Variants in CLCC1 observed in about 807,000 individuals in gnomAD.
The protein encoded by CLCC1 is chloride channel CLIC-like protein 1.
Under a neutral mutation model 63.3 loss-of-function variants are expected in CLCC1, and 39 were observed. The ratio of observed to expected loss-of-function variants is 0.62; its 90% CI spans 0.48 to 0.81. The LOEUF (loss-of-function observed/expected upper bound fraction) is 0.81. Ranked by LOEUF, CLCC1 falls within the 30% of genes least tolerant of loss-of-function variation. CLCC1 has a pLI of 0.00. For missense variants in CLCC1, 549 were observed against 669.4 expected, an observed-to-expected ratio of 0.82 and a Z score of 1.98; for synonymous variants, 217 against 239.8, an observed-to-expected ratio of 0.90 and a Z score of 0.88.
intron 2 of CLCC1, among the ~76,000 whole-genome samples, chr1:108,954,101 T>C (rs910901826): frequency 1.3e-5 from 2 of 150,582 alleles, no homozygotes; most frequent in Non-Finnish European, 2.9e-5. Context: ...GGTAACATCT[T>C]AAGTGCTCAA....
In CLCC1 at chr1:108,931,622, C is replaced by G; in HGVS notation, c.*925G>C. ...AACCTGGAATTAATTACATTAAGTG[C>G]TCAGCTAAAAAAAAAAAAAAAGTTC... On this transcript the variant is annotated 3_prime_UTR_variant, in exon 13 of 13. Coordinates refer to ENST00000369969, the MANE Select transcript of CLCC1 (RefSeq NM_001377458.1). 8.8e-7 allele frequency: 1 copy of G among 1,134,616 alleles called. No homozygotes were observed. Among genetic ancestry groups the G allele is most frequent in the Non-Finnish European group, 1.1e-6 (1 of 872,472 alleles). 70.3% of individuals were successfully genotyped at this position (1,134,616 alleles called of 1,614,324 possible).
At chr1:108,960,834 G>A (rs1291262340) in intron 2 of CLCC1, among the ~76,000 whole-genome samples, 3 of 152,056 alleles carry the variant, frequency 2.0e-5, no homozygotes, top group Non-Finnish European at 2.9e-5. Context: ...TGAATAAAAA[G>A]CCTGTCAAGC....
intron 2 of CLCC1, among the ~76,000 whole-genome samples, chr1:108,955,985 G>A (rs987371115): frequency 6.6e-6 from 1 of 151,462 alleles, no homozygotes; most frequent in Non-Finnish European, 1.5e-5. Flanking sequence ...GGTACTTCTC[G>A]GCACCCATAA....
chr1:108,959,629 G>A (rs1043628995), intron 2 of CLCC1, among the ~76,000 whole-genome samples: 6 of 152,154 alleles, frequency 3.9e-5, no homozygotes, highest in Non-Finnish European at 8.8e-5. Context: ...AGATGTATAG[G>A]AAATAACATA....
At chr1:108,933,935 A>C (rs1488550018) in intron 12 of CLCC1, 1 of 152,248 alleles carries the variant, frequency 6.6e-6, no homozygotes, top group African/African-American at 2.4e-5. Flanking sequence ...GATTCTGAGT[A>C]ACACAAAAAA....
chr1:108,936,112 AGAC>A (rs746718338), intron 11 of CLCC1, among the ~76,000 whole-genome samples: 7 of 63,694 alleles, frequency 1.1e-4, no homozygotes, highest in Admixed American at 2.6e-4. Flanking sequence ...TTTTTTTTTG[AGAC>A]GACGTCTCAC....
intron 11 of CLCC1, among the ~76,000 whole-genome samples, chr1:108,935,912 G>C (rs1452094584): frequency 1.3e-5 from 2 of 152,142 alleles, no homozygotes; most frequent in African/African-American, 4.8e-5. Flanking sequence ...AGCACGGAGG[G>C]AGAAGAGGTG....
chr1:108,934,727 G>C lies in CLCC1; in HGVS notation c.1599C>G (p.Pro533=). The change falls in exon 12 of 13, where the codon CCC becomes CCG. Residue 533 remains proline, a synonymous_variant. Transcript: ENST00000369969. ...GSPDQGSTYS[P]ARGVAGPRGQ... ...CACGTGGTCCAGCCACACCTCTTGC[G>C]GGGCTGTATGTGCTGCCTTGGTCTG... 6.2e-7 allele frequency: 1 copy of C among 1,614,126 alleles called. No individual in the cohort carries two copies. Among genetic ancestry groups the C allele is most frequent in the Non-Finnish European group, 8.5e-7 (1 of 1,180,044 alleles).
At chr1:108,940,489 T>G (rs1653701160) in intron 8 of CLCC1, among the ~76,000 whole-genome samples, 1 of 152,186 alleles carries the variant, frequency 6.6e-6, no homozygotes, top group Non-Finnish European at 1.5e-5. Flanking sequence ...TGTATCAAAG[T>G]CAATATCCTG....
rs775059735 is a variant in CLCC1 at position 108,937,438 on chromosome 1, A to G, written c.1042-20T>C. On this transcript the variant is annotated intron_variant, in intron 10 of 12. Transcript: ENST00000369969. ...GAAACTCTGTAAGGAAAAGAAATAC[A>G]TTTTCCTGAGGACTCAATGGCTAAC... The G allele has an allele frequency of 1.3e-6, 2 of 1,534,966 alleles. No homozygotes were observed. The highest frequency in any genetic ancestry group is 1.8e-6 in the Non-Finnish European group (2 of 1,138,202).
Position 108,937,192 on chromosome 1 carries a change from A to T in CLCC1, c.1268T>A (p.Leu423Ter). The T allele has an allele frequency of 6.3e-7, 1 of 1,599,126 alleles. No individual in the cohort carries two copies. The change falls in exon 11 of 13, where the codon TTG becomes TAG. Residue 423 changes from leucine to a stop codon, truncating the protein, a stop_gained. Coordinates refer to ENST00000369969, the MANE Select transcript of CLCC1 (RefSeq NM_001377458.1). LOFTEE classifies it high-confidence loss of function. ...AKTYEGRREI[L>*]RERDVDLRFQ... ...TCTCAAGTCAACATCTCTCTCTCTC[A>T]AAATCTCTCTTCTACCCTCATACGT...
chr1:108,934,692 G>A lies in CLCC1; in HGVS notation c.1634C>T (p.Pro545Leu), dbSNP rs145504985. Residue 545 changes from proline (P) to leucine (L), a missense_variant, in exon 12 of 13, where the codon CCG becomes CTG. By Grantham distance (98) the Pro-to-Leu change is moderately conservative (BLOSUM62 -3). Transcript: ENST00000369969. ...RGVAGPRGQD[P>L]VSSPCG Reference sequence around the variant, plus strand: ...CCTCTAGCCACAGGGGCTGCTGACCGGATCCTGTCCACGTGGTCCAGCCAC... The same window carrying A: ...CCTCTAGCCACAGGGGCTGCTGACCAGATCCTGTCCACGTGGTCCAGCCAC... The A allele has an allele frequency of 6.9e-5, 112 of 1,613,426 alleles. No individual in the cohort carries two copies. Among genetic ancestry groups the A allele is most frequent in the Middle Eastern group, 3.6e-4 (2 of 5,618 alleles).
At chr1:108,949,325 T>C (rs1654914283) in intron 4 of CLCC1, among the ~76,000 whole-genome samples, 1 of 152,202 alleles carries the variant, frequency 6.6e-6, no homozygotes, top group Non-Finnish European at 1.5e-5. Context: ...CCTTGACTTA[T>C]TTATTTTTGT....
At chr1:108,959,481 C>T (rs909523703) in intron 2 of CLCC1, among the ~76,000 whole-genome samples, 21 of 152,140 alleles carry the variant, frequency 1.4e-4, no homozygotes, top group African/African-American at 3.9e-4. Context: ...GTTTTGCTGT[C>T]GCACCTCAAG....
intron 5 of CLCC1, among the ~76,000 whole-genome samples, chr1:108,947,332 C>A (rs1432467719): frequency 6.6e-6 from 1 of 152,188 alleles, no homozygotes; most frequent in Non-Finnish European, 1.5e-5. Context: ...CACCCCACCT[C>A]CTCACCTCCA....
Position 108,929,811 on chromosome 1 carries a change from AATGG to A in CLCC1, c.*2732_*2735del. On this transcript the variant is annotated 3_prime_UTR_variant, in exon 13 of 13. Transcript: ENST00000369969. Reference sequence around the variant, plus strand: ...TTATTTTACGGTCCCAGGGAAAGAGAATGGATGAACAGAGAGTTCTTTTACAAAG... The same window carrying A: ...TTATTTTACGGTCCCAGGGAAAGAGAATGAACAGAGAGTTCTTTTACAAAG... 6.2e-7 allele frequency: 1 copy of A among 1,614,120 alleles called. No individual in the cohort carries two copies.
Position 108,931,513 on chromosome 1 carries a change from C to T in CLCC1, c.*1034G>A, listed in dbSNP as rs566288502. 281 of 1,534,530 alleles carry T rather than the reference C, an allele frequency of 1.8e-4. No homozygotes were observed. Among genetic ancestry groups the T allele is most frequent in the Admixed American group, 2.3e-4 (11 of 48,214 alleles). On this transcript the variant is annotated 3_prime_UTR_variant, in exon 13 of 13. Transcript: ENST00000369969. Reference sequence around the variant, plus strand: ...GGGATGGGATCTGGGGATGTGGACCCCTATTCTTTCAAAAAGTCATTCAGG... The same window carrying T: ...GGGATGGGATCTGGGGATGTGGACCTCTATTCTTTCAAAAAGTCATTCAGG...
intron 4 of CLCC1, among the ~76,000 whole-genome samples, chr1:108,948,511 A>G (rs1654822248): frequency 6.6e-6 from 1 of 152,240 alleles, no homozygotes; most frequent in African/African-American, 2.4e-5. Context: ...GTGGATAAAC[A>G]TGACAATAAT....
intron 2 of CLCC1, among the ~76,000 whole-genome samples, chr1:108,961,767 G>A (rs1314189288): frequency 6.6e-6 from 1 of 152,096 alleles, no homozygotes; most frequent in Admixed American, 6.5e-5. Context: ...GCTGGGGCAG[G>A]AGAATTGCTT....
Sources: allele counts gnomAD v4.1 joint callset (sites outside exome capture counted in the v4.1 genomes callset), GRCh38; gene constraint gnomAD v4.1.1; transcripts MANE v1.5; gene names NCBI Gene and HGNC (gene_info 2026-07-23, HGNC 2026-07-21).